OAF: variants seen among roughly 807,000 people sequenced by gnomAD.
The protein encoded by OAF is out at first protein homolog.
Under a neutral mutation model 22.5 loss-of-function variants are expected in OAF, and 13 were observed. That is an observed-to-expected ratio of 0.58 (90% confidence interval 0.38 to 0.92). OAF has a LOEUF of 0.92. Ranked by LOEUF, OAF falls within the 40% of genes least tolerant of loss-of-function variation. The pLI is 0.00. For missense variants in OAF, 347 were observed against 381.8 expected, an observed-to-expected ratio of 0.91 and a Z score of 0.76; for synonymous variants, 175 against 170.5, an observed-to-expected ratio of 1.03 and a Z score of -0.21.
chr11:120,213,470 T>C (rs1157515404), intron 1 of OAF, among the ~76,000 whole-genome samples: 2 of 152,144 alleles, frequency 1.3e-5, no homozygotes, highest in East Asian at 3.8e-4. Context: ...CTCTGGCATC[T>C]CCAATTTCAT....
At chr11:120,212,697 T>C (rs1314798290) in intron 1 of OAF, among the ~76,000 whole-genome samples, 2 of 150,676 alleles carry the variant, frequency 1.3e-5, no homozygotes, top group Non-Finnish European at 3.0e-5. Context: ...CCCAGCCAGA[T>C]TGCCATAGTT....
chr11:120,211,238 C>T lies in OAF; in HGVS notation c.-42C>T. ...GTTTGCCTGCGCCTCTCCCCGCCCCCACGCGGCGCGCCGGGGCCGCGGACG... is the reference window on the plus strand; with the variant it reads ...GTTTGCCTGCGCCTCTCCCCGCCCCTACGCGGCGCGCCGGGGCCGCGGACG... On this transcript the variant is annotated 5_prime_UTR_variant, in exon 1 of 4. Transcript: ENST00000328965. 3.4e-6 allele frequency: 4 copies of T among 1,162,268 alleles called. No individual in the cohort carries two copies. Among genetic ancestry groups the T allele is most frequent in the Non-Finnish European group, 4.3e-6 (4 of 941,094 alleles). 72.0% of individuals were successfully genotyped at this position (1,162,268 alleles called of 1,614,324 possible).
chr11:120,216,112 G>C (rs1239154709), intron 1 of OAF, among the ~76,000 whole-genome samples: 1 of 152,178 alleles, frequency 6.6e-6, no homozygotes, highest in Admixed American at 6.5e-5. Flanking sequence ...GCCCTGTCCT[G>C]GGCACTGATG....
At chr11:120,224,241 ACT>A (rs567759971) in intron 1 of OAF, among the ~76,000 whole-genome samples, 225 of 152,260 alleles carry the variant, frequency 1.5e-3, no homozygotes, top group South Asian at 0.012. Context: ...AGTAAGAGAA[ACT>A]CTGTAGAGTT....
At chr11:120,228,617 C>T (rs1565344177) in intron 3 of OAF, among the ~76,000 whole-genome samples, 1 of 152,074 alleles carries the variant, frequency 6.6e-6, no homozygotes, top group African/African-American at 2.4e-5. Context: ...AAGTAGAGCC[C>T]GTAGCACACA....
chr11:120,211,872 T>C lies in OAF; in HGVS notation c.231+362T>C, dbSNP rs566138830. Among the ~76,000 whole-genome samples, 580 of 151,590 alleles carry C rather than the reference T, an allele frequency of 3.8e-3. 4 individuals carry two copies. The highest frequency in any genetic ancestry group is 6.9e-3 in the Non-Finnish European group (465 of 67,840). ...TCTCGCTGTGGGCTCTCACTGTGGG[T>C]TCTCCCTGTGTGATCTAGAGCAAGC... On this transcript the variant is annotated intron_variant, in intron 1 of 3. Transcript: ENST00000328965.
intron 1 of OAF, among the ~76,000 whole-genome samples, chr11:120,222,599 C>T (rs967641510): frequency 1.3e-5 from 2 of 151,052 alleles, no homozygotes; most frequent in Non-Finnish European, 2.9e-5. Context: ...AAGGAGAGAC[C>T]GGAGAATTTG....
chr11:120,227,927 A>G (rs1336387857), intron 3 of OAF, among the ~76,000 whole-genome samples: 1 of 151,428 alleles, frequency 6.6e-6, no homozygotes, highest in Non-Finnish European at 1.5e-5. Flanking sequence ...GGCCCCTCCC[A>G]TACAGCCCCT....
At position 120,229,074 on chromosome 11, in the gene OAF, T is replaced by G. The variant is rs758586410; in HGVS notation, c.754T>G (p.Tyr252Asp). Residue 252 changes from tyrosine (Y) to aspartate (D), a missense_variant, in exon 4 of 4, where the codon TAC (tyrosine) becomes GAC (aspartate). Tyr to Asp is a radical substitution (Grantham distance 160). Transcript: ENST00000328965. ...TGGCATCCGCAGCTGCCAGAAGAGC[T>G]ACAGCTTCGACTTCTACGTGCCCCA... Reference protein sequence around the residue: ...KCGIRSCQKSYSFDFYVPQRQ... With the variant: ...KCGIRSCQKSDSFDFYVPQRQ... 1 of 1,613,554 alleles carries G rather than the reference T, an allele frequency of 6.2e-7. No homozygotes were observed. The highest frequency in any genetic ancestry group is 8.5e-7 in the Non-Finnish European group (1 of 1,179,964).
At chr11:120,227,036 G>A in intron 3 of OAF, 40 bp downstream of exon 3, 8 of 1,497,648 alleles carry the variant, frequency 5.3e-6, no homozygotes, top group Non-Finnish European at 7.3e-6. Flanking sequence ...CTGGGCGGAG[G>A]GAAGGGGACA....
chr11:120,219,330 G>A (rs545238427), intron 1 of OAF, among the ~76,000 whole-genome samples: 2 of 152,282 alleles, frequency 1.3e-5, no homozygotes, highest in East Asian at 1.9e-4. Flanking sequence ...TGGGGAAGCC[G>A]TGTGAGCCTG....
chr11:120,224,539 A>T (rs1023812011), intron 1 of OAF, among the ~76,000 whole-genome samples: 1 of 152,182 alleles, frequency 6.6e-6, no homozygotes, highest in Non-Finnish European at 1.5e-5. Flanking sequence ...TTGGACTCCA[A>T]GGGGGCCACT....
intron 1 of OAF, among the ~76,000 whole-genome samples, chr11:120,225,347 T>C (rs61898292): frequency 0.088 from 13,333 of 151,526 alleles, 629 homozygotes; most frequent in Admixed American, 0.15. Flanking sequence ...CCTGATCAGG[T>C]GCCTGTAGAG....
chr11:120,218,217 T>C (rs959881595), intron 1 of OAF, among the ~76,000 whole-genome samples: 3 of 151,718 alleles, frequency 2.0e-5, no homozygotes, highest in African/African-American at 7.3e-5. Flanking sequence ...GTGGTTGTGC[T>C]AATGCCCCAA....
At chr11:120,219,931 C>T (rs1280067819) in intron 1 of OAF, among the ~76,000 whole-genome samples, 1 of 151,990 alleles carries the variant, frequency 6.6e-6, no homozygotes, top group African/African-American at 2.4e-5. Context: ...CATTGGAGGC[C>T]AGTGGGTTGA....
intron 1 of OAF, among the ~76,000 whole-genome samples, chr11:120,212,257 GGTGGGTGGGTGTGGGTGT>G (rs947939345): frequency 4.1e-5 from 6 of 148,020 alleles, no homozygotes; most frequent in Non-Finnish European, 7.5e-5. Context: ...TGGGTGGGTG[GGTGGGTGGGTGTGGGTGT>G]GTGGGTGTGT....
chr11:120,228,983 C>T lies in OAF; in HGVS notation c.663C>T (p.Ser221=). The T allele has an allele frequency of 1.2e-6, 2 of 1,613,246 alleles. No homozygotes were observed. The highest frequency in any genetic ancestry group is 1.7e-6 in the Non-Finnish European group (2 of 1,179,952). The change falls in exon 4 of 4, where the codon AGC becomes AGT. Residue 221 remains serine (S), a synonymous_variant. Transcript: ENST00000328965. ...CCTGCGTCTGCCGCTATGGCCTGAGCCTGGCCTGGTACCCCTGCATGCTCA... is the reference window on the plus strand; with the variant it reads ...CCTGCGTCTGCCGCTATGGCCTGAGTCTGGCCTGGTACCCCTGCATGCTCA... The part of the protein sequence containing the change: ...GKPCVCRYGL[S]LAWYPCMLKY...
In OAF at chr11:120,229,362, TGCGG is replaced by T; in HGVS notation, c.*223_*226del. ...CCCCATTCCCACCCTGTGCCTTCCT[TGCGG>T]GCAGAGAGGGAGAGAAGGGCTCCCC... On this transcript the variant is annotated 3_prime_UTR_variant, in exon 4 of 4. Transcript: ENST00000328965. 29 of 544,132 alleles carry T rather than the reference TGCGG, an allele frequency of 5.3e-5. No individual in the cohort carries two copies. Among genetic ancestry groups the T allele is most frequent in the South Asian group, 1.3e-4 (6 of 47,884 alleles). 33.7% of individuals were successfully genotyped at this position (544,132 alleles called of 1,614,324 possible).
chr11:120,228,180 G>A (rs751623961), intron 3 of OAF, among the ~76,000 whole-genome samples: 1 of 151,998 alleles, frequency 6.6e-6, no homozygotes, highest in African/African-American at 2.4e-5. Flanking sequence ...CGCCACCCGG[G>A]TTCCAGCAAT....
Sources: gnomAD v4.1 joint callset for allele counts (sites outside exome capture counted in the v4.1 genomes callset) on GRCh38, gnomAD v4.1.1 for gene constraint, MANE v1.5 for transcripts, NCBI Gene and HGNC (gene_info 2026-07-23, HGNC 2026-07-21) for gene names.